The following TBC1D5 variants were observed in gnomAD, a reference collection of about 807,000 sequenced individuals.
TBC1D5 encodes the protein TBC1 domain family member 5, also known as TBC1 domain family, member 5.
A neutral mutation model predicts 100.3 loss-of-function variants in TBC1D5; 75 were observed. The ratio of observed to expected loss-of-function variants is 0.75; its 90% confidence interval spans 0.62 to 0.91. TBC1D5 has a LOEUF of 0.91. TBC1D5 is among the 40% of genes least tolerant of loss of function. The probability of loss-of-function intolerance (pLI) is 0.00; values close to 1 mark genes in which losing one functional copy is unlikely to be tolerated. For synonymous variants in TBC1D5, 323 were observed against 325.6 expected (o/e 0.99, Z 0.09); for missense variants, 910 against 942.4 (o/e 0.97, Z 0.45).
At chr3:17,227,559 G>A (rs2148811371) in intron 17 of TBC1D5, among the ~76,000 whole-genome samples, 1 of 152,160 alleles carries the variant, frequency 6.6e-6, no homozygotes, top group South Asian at 2.1e-4. Flanking sequence ...GAACATAGAT[G>A]GAGCTGGGGG....
At chr3:17,210,344 T>G (rs898156629) in intron 18 of TBC1D5, among the ~76,000 whole-genome samples, 3 of 151,850 alleles carry the variant, frequency 2.0e-5, no homozygotes, top group African/African-American at 7.3e-5. Context: ...CCCGCCACCA[T>G]GCCTGGCTAA....
chr3:17,424,657 G>C (rs1431195128), intron 4 of TBC1D5, among the ~76,000 whole-genome samples: 1 of 152,004 alleles, frequency 6.6e-6, no homozygotes, highest in African/African-American at 2.4e-5. Context: ...ACAATATCTG[G>C]ACTATTACTC....
At chr3:17,199,722 T>C (rs75592492) in intron 18 of TBC1D5, among the ~76,000 whole-genome samples, 1 of 152,144 alleles carries the variant, frequency 6.6e-6, no homozygotes, top group Non-Finnish European at 1.5e-5. Context: ...ACCTTTGGGA[T>C]AGCCACCAGG....
chr3:17,462,486 A>G (rs1014363158), intron 3 of TBC1D5, among the ~76,000 whole-genome samples: 11 of 151,862 alleles, frequency 7.2e-5, no homozygotes, highest in Non-Finnish European at 1.6e-4. Flanking sequence ...ACACTCAGCT[A>G]ATTTTTATTT....
chr3:17,678,862 CAT>C (rs1560447235), intron 1 of TBC1D5, among the ~76,000 whole-genome samples: 1 of 149,758 alleles, frequency 6.7e-6, no homozygotes, highest in African/African-American at 2.5e-5. Flanking sequence ...AAGAACAAGC[CAT>C]ATATAGCCAG....
chr3:17,686,413 C>T (rs1359784886), intron 1 of TBC1D5, among the ~76,000 whole-genome samples: 1 of 152,040 alleles, frequency 6.6e-6, no homozygotes, highest in Non-Finnish European at 1.5e-5. Flanking sequence ...GAAGGGACTA[C>T]ATTAAAACAA....
chr3:17,384,030 T>C lies in TBC1D5; in HGVS notation c.510-15A>G, dbSNP rs376453902. The C allele has an allele frequency of 1.3e-6, 2 of 1,590,676 alleles. No individual in the cohort carries two copies. Among genetic ancestry groups the C allele is most frequent in the East Asian group, 2.2e-5 (1 of 44,488 alleles). ...TTTCAGGAAACCTGGAAAAAGAAAATACAAGATTGAAACTGACTAACACAG... is the reference window on the plus strand; with the variant it reads ...TTTCAGGAAACCTGGAAAAAGAAAACACAAGATTGAAACTGACTAACACAG... On this transcript the variant is annotated splice_polypyrimidine_tract_variant and intron_variant, in intron 8 of 21. Coordinates refer to ENST00000253692, the Ensembl canonical transcript of TBC1D5.
chr3:17,696,722 G>C (rs1457110739), intron 1 of TBC1D5, among the ~76,000 whole-genome samples: 6 of 152,142 alleles, frequency 3.9e-5, no homozygotes, highest in East Asian at 3.8e-4. Context: ...CCAATCAATA[G>C]ACAAAGAGGA....
At chr3:17,597,425 T>C (rs1167999741) in intron 2 of TBC1D5, among the ~76,000 whole-genome samples, 1 of 152,150 alleles carries the variant, frequency 6.6e-6, no homozygotes, top group African/African-American at 2.4e-5. Flanking sequence ...TAACAAATGG[T>C]AAAGCTGGGA....
At chr3:17,701,040 T>C (rs1029323854) in intron 1 of TBC1D5, among the ~76,000 whole-genome samples, 1 of 152,194 alleles carries the variant, frequency 6.6e-6, no homozygotes, top group Non-Finnish European at 1.5e-5. Context: ...CGTATGTTTA[T>C]TGTAGCACTA....
In TBC1D5 at chr3:17,713,911, A is replaced by T. The variant is rs115234479; in HGVS notation, c.-101+25432T>A. Among the ~76,000 whole-genome samples, 15 of 152,330 alleles carry T rather than the reference A, an allele frequency of 9.8e-5. No individual in the cohort carries two copies. In the East Asian group the frequency reaches 2.9e-3, roughly 29 times the overall value. ...AAACATCAAAAAATAAGCAGTAACT[A>T]TAAGAACCAGTTTTGTCAAAATCAT... On this transcript the variant is annotated intron_variant, in intron 1 of 21. Transcript: ENST00000253692.
At chr3:17,275,897 C>G (rs2079947631) in intron 15 of TBC1D5, among the ~76,000 whole-genome samples, 1 of 152,122 alleles carries the variant, frequency 6.6e-6, no homozygotes, top group Non-Finnish European at 1.5e-5. Flanking sequence ...TCTGCTTCTA[C>G]CTGATACCAG....
intron 3 of TBC1D5, among the ~76,000 whole-genome samples, chr3:17,472,638 T>C (rs1448655570): frequency 6.6e-6 from 1 of 152,220 alleles, no homozygotes; most frequent in East Asian, 1.9e-4. Flanking sequence ...TTCACTAGAA[T>C]TGTAACCTTC....
At chr3:17,186,710 CAAAAAAAAAAAAAAAAAAAAAA>C (rs58438478) in intron 18 of TBC1D5, among the ~76,000 whole-genome samples, 2 of 27,282 alleles carry the variant, frequency 7.3e-5, no homozygotes, top group South Asian at 5.2e-3. Flanking sequence ...ACTCTATCTC[CAAAAAAAAAAAAAAAAAAAAAA>C]AAAAAAAAAA....
chr3:17,506,872 C>T (rs2095850072), intron 3 of TBC1D5, among the ~76,000 whole-genome samples: 1 of 151,844 alleles, frequency 6.6e-6, no homozygotes, highest in Non-Finnish European at 1.5e-5. Context: ...AAAAATTAGC[C>T]AGGCGAAGTG....
chr3:17,742,623 G>A (rs1363222970), upstream of TBC1D5: 1 of 152,198 alleles, frequency 6.6e-6, no homozygotes, highest in African/African-American at 2.4e-5. Flanking sequence ...CAGGGCGGGA[G>A]GGGGTGGCGG....
intron 14 of TBC1D5, among the ~76,000 whole-genome samples, chr3:17,298,173 T>C (rs2082456914): frequency 6.6e-6 from 1 of 152,248 alleles, no homozygotes; most frequent in Admixed American, 6.5e-5. Flanking sequence ...TTTTGTGATT[T>C]TTAGTGCCTT....
intron 1 of TBC1D5, among the ~76,000 whole-genome samples, chr3:17,666,907 T>C: frequency 6.6e-6 from 1 of 152,192 alleles, no homozygotes; most frequent in East Asian, 1.9e-4. Flanking sequence ...ATTAGATCTT[T>C]CGTGTTTTTG....
chr3:17,434,595 T>C (rs1481662864), intron 3 of TBC1D5, among the ~76,000 whole-genome samples: 34 of 152,282 alleles, frequency 2.2e-4, no homozygotes. Flanking sequence ...GTCTTTATAA[T>C]TCCTTTATAA....
Sources: allele counts gnomAD v4.1 joint callset (sites outside exome capture counted in the v4.1 genomes callset), GRCh38; gene constraint gnomAD v4.1.1; transcripts MANE v1.5; gene names NCBI Gene and HGNC (gene_info 2026-07-23, HGNC 2026-07-21).